PTPRR: variants seen among roughly 807,000 people sequenced by gnomAD.
The protein encoded by PTPRR is receptor-type tyrosine-protein phosphatase R.
PTPRR carries 38 observed loss-of-function variants against 77.2 expected under a neutral mutation model. That is an observed-to-expected ratio of 0.49 (90% CI 0.38 to 0.65). PTPRR has a LOEUF of 0.65. Among genes scored for constraint, PTPRR ranks in the 30% least tolerant of loss-of-function variants. PTPRR has a pLI of 0.00. For missense variants in PTPRR, 744 were observed against 799.2 expected (o/e 0.93, Z 0.83); for synonymous variants, 299 against 283.1 (o/e 1.06, Z -0.57).
Position 70,684,750 on chromosome 12 carries a change from T to C in PTPRR, c.1313A>G (p.Asn438Ser). Residue 438 changes from asparagine to serine, a missense_variant, in exon 9 of 14, where the codon AAT becomes AGT. By Grantham distance (46) the Asn-to-Ser change is conservative (BLOSUM62 1). This residue lies in a region of PTPRR where 570 missense variants were observed against 573.2 expected (regional missense o/e 0.99). Coordinates refer to ENST00000283228, the MANE Select transcript of PTPRR (RefSeq NM_002849.4). Reference sequence around the variant, plus strand: ...GTAGGTGCTCAATGAATCGGTTACATTTTTTGGTCTTAAACACACTCTGCT... The same window carrying C: ...GTAGGTGCTCAATGAATCGGTTACACTTTTTGGTCTTAAACACACTCTGCT... Reference protein sequence around the residue: ...PLSRVCLRPKNVTDSLSTYIN... With the variant: ...PLSRVCLRPKSVTDSLSTYIN... 6.2e-7 allele frequency: 1 copy of C among 1,605,108 alleles called. No individual in the cohort carries two copies. Among genetic ancestry groups the C allele is most frequent in the Non-Finnish European group, 8.5e-7 (1 of 1,173,610 alleles).
chr12:70,672,675 G>C, intron 10 of PTPRR: 1 of 1,546,138 alleles, frequency 6.5e-7, no homozygotes, highest in Non-Finnish European at 8.8e-7. Context: ...ACCAGATGGT[G>C]GTCAAGACAG....
intron 2 of PTPRR, among the ~76,000 whole-genome samples, chr12:70,878,676 T>C (rs1893095861): frequency 6.6e-6 from 1 of 152,216 alleles, no homozygotes; most frequent in Non-Finnish European, 1.5e-5. Flanking sequence ...GTTCAACCAC[T>C]GTGGAAGACA....
intron 13 of PTPRR, among the ~76,000 whole-genome samples, chr12:70,640,430 A>G (rs375973288): frequency 6.6e-6 from 1 of 152,156 alleles, no homozygotes; most frequent in East Asian, 1.9e-4. Flanking sequence ...TTGGGCTCCC[A>G]AAGTGATGGA....
intron 10 of PTPRR, among the ~76,000 whole-genome samples, chr12:70,678,836 C>G (rs1887547969): frequency 6.6e-6 from 1 of 152,048 alleles, no homozygotes; most frequent in Non-Finnish European, 1.5e-5. Context: ...TGTGTACCAC[C>G]AGGCCCAGTT....
chr12:70,802,750 T>A (rs1170249054), intron 2 of PTPRR, among the ~76,000 whole-genome samples: 2 of 152,214 alleles, frequency 1.3e-5, no homozygotes, highest in Non-Finnish European at 2.9e-5. Flanking sequence ...GTTTCCAACA[T>A]TTATAATTGG....
intron 2 of PTPRR, among the ~76,000 whole-genome samples, chr12:70,818,704 T>C (rs183262764): frequency 6.6e-6 from 1 of 152,262 alleles, no homozygotes; most frequent in Admixed American, 6.5e-5. Context: ...CAAAAATCTG[T>C]GTCAAATCAC....
chr12:70,866,055 A>G (rs1439401511), intron 2 of PTPRR, among the ~76,000 whole-genome samples: 2 of 152,146 alleles, frequency 1.3e-5, no homozygotes, highest in African/African-American at 4.8e-5. Flanking sequence ...GGAAATTTAT[A>G]GCACTAAATG....
At chr12:70,762,580 T>C (rs929801712) in intron 3 of PTPRR, among the ~76,000 whole-genome samples, 3 of 152,212 alleles carry the variant, frequency 2.0e-5, no homozygotes, top group Non-Finnish European at 2.9e-5. Context: ...TTTATAACAA[T>C]TTAAATAGTT....
intron 1 of PTPRR, among the ~76,000 whole-genome samples, chr12:70,917,803 T>A (rs959567041): frequency 1.3e-5 from 2 of 152,170 alleles, no homozygotes; most frequent in African/African-American, 4.8e-5. Context: ...CAGTTCCTAA[T>A]ATAGCTAAAA....
At chr12:70,903,166 A>G (rs536980081) in intron 1 of PTPRR, among the ~76,000 whole-genome samples, 1 of 151,880 alleles carries the variant, frequency 6.6e-6, no homozygotes, top group Admixed American at 6.6e-5. Flanking sequence ...GGCAGGAAAA[A>G]CAAATTTTGA....
chr12:70,874,382 A>G (rs1893013718), intron 2 of PTPRR, among the ~76,000 whole-genome samples: 1 of 152,212 alleles, frequency 6.6e-6, no homozygotes, highest in African/African-American at 2.4e-5. Flanking sequence ...AAACTCACAA[A>G]GCTAACAGAC....
chr12:70,764,698 G>C lies in PTPRR; in HGVS notation c.438C>G (p.Leu146=), dbSNP rs753094547. ...GATTGATGTGCACTTGCTGGGGTAA[G>C]AGTCCTAAAGCTGCAGCCACTCCTT... ...FRQGVAAALG[L]LPQQVHINRL... Residue 146 remains leucine (L), a synonymous_variant, in exon 3 of 14, where the codon CTC becomes CTG. Coordinates refer to ENST00000283228, the MANE Select transcript of PTPRR (RefSeq NM_002849.4). 5 of 1,613,932 alleles carry C rather than the reference G, an allele frequency of 3.1e-6. No homozygotes were observed. The highest frequency in any genetic ancestry group is 4.2e-6 in the Non-Finnish European group (5 of 1,179,910).
chr12:70,639,102 A>G lies in PTPRR; in HGVS notation c.*82T>C. The G allele has an allele frequency of 8.5e-7, 1 of 1,177,014 alleles. No individual in the cohort carries two copies. The highest frequency in any genetic ancestry group is 1.2e-6 in the Non-Finnish European group (1 of 808,704). 72.9% of individuals were successfully genotyped at this position (1,177,014 alleles called of 1,614,324 possible). A position where few individuals can be genotyped will look rare whatever the true frequency, so the allele number is the denominator to read the frequency against. ...CAGAGCTTCTCCTTCCTTCCATTGC[A>G]GGAAGCTCCTTCTAGAAGCCTTGGG... On this transcript the variant is annotated 3_prime_UTR_variant, in exon 14 of 14. Coordinates refer to ENST00000283228, the MANE Select transcript of PTPRR (RefSeq NM_002849.4).
At chr12:70,913,493 G>T (rs1156352349) in intron 1 of PTPRR, among the ~76,000 whole-genome samples, 1 of 152,034 alleles carries the variant, frequency 6.6e-6, no homozygotes, top group African/African-American at 2.4e-5. Flanking sequence ...TTCTGTAGTG[G>T]ACAACTATCA....
intron 6 of PTPRR, among the ~76,000 whole-genome samples, chr12:70,701,808 A>G (rs1278828853): frequency 1.3e-5 from 2 of 151,968 alleles, no homozygotes; most frequent in East Asian, 3.9e-4. Context: ...CCCTGTCTCT[A>G]CAAAACATAC....
chr12:70,651,743 C>T (rs1191256014), intron 13 of PTPRR, among the ~76,000 whole-genome samples: 2 of 152,010 alleles, frequency 1.3e-5, no homozygotes, highest in African/African-American at 4.8e-5. Flanking sequence ...TAAACATATT[C>T]CAAAAGCCTA....
chr12:70,895,160 G>A (rs138815606), intron 1 of PTPRR, among the ~76,000 whole-genome samples: 3 of 151,684 alleles, frequency 2.0e-5, no homozygotes, highest in African/African-American at 7.2e-5. Context: ...TTGATGGAAA[G>A]CAAAGCCTGT....
intron 4 of PTPRR, among the ~76,000 whole-genome samples, chr12:70,759,061 A>G (rs1890628227): frequency 2.0e-5 from 3 of 152,076 alleles, no homozygotes; most frequent in African/African-American, 7.2e-5. Context: ...CAGCCTCCCA[A>G]GTAGCTGGGA....
intron 2 of PTPRR, among the ~76,000 whole-genome samples, chr12:70,859,022 A>G (rs1410461037): frequency 6.6e-6 from 1 of 151,860 alleles, no homozygotes; most frequent in East Asian, 1.9e-4. Context: ...AAATGGCACC[A>G]AAGGCTTGAG....
Sources: allele counts gnomAD v4.1 joint callset (sites outside exome capture counted in the v4.1 genomes callset), GRCh38; gene constraint gnomAD v4.1.1; regional missense constraint gnomAD v4.1.1; transcripts MANE v1.5; gene names NCBI Gene and HGNC (gene_info 2026-07-23, HGNC 2026-07-21).